Variants in GMDS observed in about 807,000 individuals in gnomAD.
GMDS encodes the protein GDP-mannose 4,6-dehydratase, also known as GDP-mannose 4,6 dehydratase.
A neutral mutation model predicts 49.9 loss-of-function variants in GMDS; 20 were observed. The ratio of observed to expected loss-of-function variants is 0.40; its 90% CI spans 0.28 to 0.58. The LOEUF is 0.58. Among genes scored for constraint, GMDS ranks in the 20% least tolerant of loss-of-function variants. GMDS has a pLI of 0.42. For synonymous variants in GMDS, 177 were observed against 178.6 expected, an observed-to-expected ratio of 0.99 and a Z score of 0.07; for missense variants, 362 against 481.4, an observed-to-expected ratio of 0.75 and a Z score of 2.32.
rs201728889 is a variant in GMDS, at chr6:1,825,656, ATTAT to A, written c.772-83074_772-83071del. 4.1e-3 allele frequency among the ~76,000 whole-genome samples: 619 copies of A among 152,336 alleles called. 5 individuals carry two copies. The highest frequency in any genetic ancestry group is 0.014 in the African/African-American group (602 of 41,572). ...TTTAAGCAACTATAACATGGTGATA[ATTAT>A]TTGTGTTTCTAAACATTTCGAAACA... is the stretch of plus-strand genomic sequence containing the variant. On this transcript the variant is annotated intron_variant, in intron 7 of 10. Coordinates refer to ENST00000380815, the MANE Select transcript of GMDS (RefSeq NM_001500.4).
intron 1 of GMDS, among the ~76,000 whole-genome samples, chr6:2,157,275 T>A (rs1777157152): frequency 6.6e-6 from 1 of 152,224 alleles, no homozygotes; most frequent in South Asian, 2.1e-4. Context: ...GAGGACAGTT[T>A]ATCTGTAAAC....
chr6:2,026,309 T>C (rs533807878), intron 4 of GMDS, among the ~76,000 whole-genome samples: 1 of 152,200 alleles, frequency 6.6e-6, no homozygotes, highest in Non-Finnish European at 1.5e-5. Flanking sequence ...GCACACACCT[T>C]CACTCTCCAT....
chr6:1,885,190 T>C (rs1759544455), intron 7 of GMDS, among the ~76,000 whole-genome samples: 1 of 152,216 alleles, frequency 6.6e-6, no homozygotes, highest in Non-Finnish European at 1.5e-5. Context: ...CTCCTGATTC[T>C]GGAAAAGAGT....
chr6:1,978,594 G>T (rs1198627917), intron 4 of GMDS, among the ~76,000 whole-genome samples: 2 of 152,108 alleles, frequency 1.3e-5, no homozygotes, highest in African/African-American at 4.8e-5. Context: ...GTTCTTTGGG[G>T]CCTAAAGAGC....
intron 1 of GMDS, among the ~76,000 whole-genome samples, chr6:2,135,587 C>T (rs891568046): frequency 1.4e-5 from 2 of 143,314 alleles, no homozygotes; most frequent in Non-Finnish European, 3.0e-5. Context: ...GGAAACAACA[C>T]ATCTACCACA....
At position 1,833,744 on chromosome 6, in the gene GMDS, T is replaced by C. The variant is rs1404659599; in HGVS notation, c.772-91158A>G. Reference sequence around the variant, plus strand: ...CATTTTCACATGGAAGGGCAGTGGGTTGAAAGATCCTCATTATTCAAGAGA... The same window carrying C: ...CATTTTCACATGGAAGGGCAGTGGGCTGAAAGATCCTCATTATTCAAGAGA... On this transcript the variant is annotated intron_variant, in intron 7 of 10. Coordinates refer to ENST00000380815, the MANE Select transcript of GMDS (RefSeq NM_001500.4). This position sits in a 1 kb window ranked among gnomAD's most constrained non-coding sequence, Gnocchi z 4.4. Among the ~76,000 whole-genome samples the C allele has an allele frequency of 2.0e-5, 3 of 152,198 alleles. No individual in the cohort carries two copies. The highest frequency in any genetic ancestry group is 4.4e-5 in the Non-Finnish European group (3 of 68,030).
intron 1 of GMDS, among the ~76,000 whole-genome samples, chr6:2,167,561 C>T (rs574343289): frequency 1.3e-5 from 2 of 152,288 alleles, no homozygotes; most frequent in African/African-American, 4.8e-5. Context: ...CCCCCATAAA[C>T]CTTAATTCTA....
At chr6:2,204,775 A>G (rs1779711002) in intron 1 of GMDS, among the ~76,000 whole-genome samples, 1 of 152,192 alleles carries the variant, frequency 6.6e-6, no homozygotes, top group African/African-American at 2.4e-5. Flanking sequence ...TACAAGACCA[A>G]GGATCATCAT....
At chr6:2,059,974 G>T (rs993147944) in intron 4 of GMDS, among the ~76,000 whole-genome samples, 4 of 151,622 alleles carry the variant, frequency 2.6e-5, no homozygotes, top group Admixed American at 2.6e-4. Context: ...CTTTATTAAC[G>T]AAATGACAAC....
chr6:1,920,049 C>T (rs1005768489), intron 7 of GMDS, among the ~76,000 whole-genome samples: 3 of 152,252 alleles, frequency 2.0e-5, no homozygotes, highest in African/African-American at 7.2e-5. Context: ...TGTGGCATTA[C>T]TGCTATAATT....
At chr6:1,959,644 G>A (rs1763830246) in intron 6 of GMDS, 1 of 346,176 alleles carries the variant, frequency 2.9e-6, no homozygotes, top group African/African-American at 2.1e-5. Flanking sequence ...CTGGAACACT[G>A]TCCAGTTTTT....
intron 2 of GMDS, among the ~76,000 whole-genome samples, chr6:2,119,217 T>C (rs1775008758): frequency 6.6e-6 from 1 of 152,190 alleles, no homozygotes; most frequent in Non-Finnish European, 1.5e-5. Flanking sequence ...TATAGAGACA[T>C]GCCATTTATT....
intron 1 of GMDS, among the ~76,000 whole-genome samples, chr6:2,125,769 C>T (rs190823785): frequency 1.8e-3 from 278 of 152,250 alleles, no homozygotes; most frequent in Middle Eastern, 0.014. Flanking sequence ...AGGCAATGGC[C>T]ACAGCTGGCT....
At chr6:1,634,456 CCTGT>C (rs1222835409) in intron 9 of GMDS, among the ~76,000 whole-genome samples, 1 of 152,210 alleles carries the variant, frequency 6.6e-6, no homozygotes, top group Non-Finnish European at 1.5e-5. Flanking sequence ...AGCACTGAAA[CCTGT>C]CTGTGTTTTG....
intron 7 of GMDS, among the ~76,000 whole-genome samples, chr6:1,866,332 T>A (rs1251901381): frequency 1.3e-5 from 2 of 152,216 alleles, no homozygotes; most frequent in Non-Finnish European, 2.9e-5. Flanking sequence ...CAAGCGTACT[T>A]AGCGAAGGGT....
At chr6:1,787,825 G>C (rs1769382376) in intron 7 of GMDS, among the ~76,000 whole-genome samples, 1 of 152,186 alleles carries the variant, frequency 6.6e-6, no homozygotes, top group African/African-American at 2.4e-5. Context: ...ACACACTTTT[G>C]TAAACTTTTT....
At chr6:1,950,736 A>G (rs1311999276) in intron 6 of GMDS, among the ~76,000 whole-genome samples, 1 of 152,250 alleles carries the variant, frequency 6.6e-6, no homozygotes, top group Non-Finnish European at 1.5e-5. Context: ...ATGAGATGGC[A>G]TTCATCTCAT....
At chr6:2,166,779 G>C (rs530342793) in intron 1 of GMDS, among the ~76,000 whole-genome samples, 1 of 152,202 alleles carries the variant, frequency 6.6e-6, no homozygotes, top group Non-Finnish European at 1.5e-5. Flanking sequence ...TGCAAAAAAT[G>C]TGGCCAATGC....
intron 1 of GMDS, among the ~76,000 whole-genome samples, chr6:2,136,697 G>C (rs1053781172): frequency 6.6e-6 from 1 of 152,122 alleles, no homozygotes; most frequent in Non-Finnish European, 1.5e-5. Flanking sequence ...CTCAACCTGG[G>C]TGACAGAATG....
Sources: gnomAD v4.1 joint callset for allele counts (sites outside exome capture counted in the v4.1 genomes callset) on GRCh38, gnomAD v4.1.1 for gene constraint, Gnocchi (gnomAD v3.1) non-coding constraint, MANE v1.5 for transcripts, NCBI Gene and HGNC (gene_info 2026-07-23, HGNC 2026-07-21) for gene names.